MBP: variants seen among roughly 807,000 people sequenced by gnomAD.
The protein encoded by MBP is myelin basic protein.
A neutral mutation model predicts 35.8 loss-of-function variants in MBP; 16 were observed. That is an observed-to-expected ratio of 0.45 (90% confidence interval 0.30 to 0.68). MBP has a LOEUF of 0.68. Ranked by LOEUF, MBP falls within the 30% of genes least tolerant of loss-of-function variation. The probability of loss-of-function intolerance (pLI) is 0.08; values close to 1 mark genes in which losing one functional copy is unlikely to be tolerated. For synonymous variants in MBP, 143 were observed against 159.6 expected, an observed-to-expected ratio of 0.90 and a Z score of 0.78; for missense variants, 380 against 404.7, an observed-to-expected ratio of 0.94 and a Z score of 0.52.
At chr18:77,118,756 CCA>C (rs568438098) in intron 1 of MBP, among the ~76,000 whole-genome samples, 11 of 149,080 alleles carry the variant, frequency 7.4e-5, no homozygotes, top group South Asian at 6.4e-4. Context: ...CACACACACA[CCA>C]CACACACACA....
intron 1 of MBP, chr18:77,115,445 G>A (rs1617173): frequency 0.43 from 65,238 of 151,930 alleles, 14,811 homozygotes; most frequent in Non-Finnish European, 0.5. Flanking sequence ...GAAAACACAG[G>A]TTCCTATTAC....
intron 4 of MBP, chr18:77,005,347 C>T (rs373590505): frequency 5.8e-4 from 88 of 152,364 alleles, no homozygotes; most frequent in East Asian, 2.9e-3. Context: ...GGCAGCCCGC[C>T]CCCAGGTACC....
At position 76,988,630 on chromosome 18, in the gene MBP, A is replaced by G. The variant is rs988494869; in HGVS notation, c.718-103T>C. 1.6e-5 allele frequency: 24 copies of G among 1,526,286 alleles called. No individual in the cohort carries two copies. The highest frequency in any genetic ancestry group is 1.8e-4 in the Middle Eastern group (1 of 5,678). The allele number at this position is 1,526,286 out of a possible 1,614,324, so 94.5% of individuals were successfully genotyped here. ...CAAAGCACAGTGGAGCTGAGGTGGT[A>G]AAAACAGGTTCCACCCGGAGCTCCG... is the stretch of plus-strand genomic sequence containing the variant. On this transcript the variant is annotated intron_variant, in intron 6 of 8. Coordinates refer to ENST00000355994, the MANE Select transcript of MBP (RefSeq NM_001025101.2). This position sits in a 1 kb window ranked among gnomAD's most constrained non-coding sequence, Gnocchi z 5.2.
intron 2 of MBP, chr18:77,067,794 A>G (rs376752359): frequency 3.9e-6 from 2 of 507,248 alleles, no homozygotes; most frequent in Non-Finnish European, 7.9e-6. Context: ...CAGGACCATA[A>G]TATGTACATA....
intron 1 of MBP, among the ~76,000 whole-genome samples, chr18:77,132,002 G>C (rs915829531): frequency 7.9e-5 from 12 of 152,178 alleles, no homozygotes; most frequent in African/African-American, 2.7e-4. Context: ...CCGGGGGCAG[G>C]GGCAGGAGCG....
chr18:77,070,117 C>T (rs561272686), intron 2 of MBP, among the ~76,000 whole-genome samples: 2 of 152,212 alleles, frequency 1.3e-5, no homozygotes, highest in East Asian at 3.9e-4. Flanking sequence ...ACAAATAATG[C>T]AGATGATGTG....
intron 2 of MBP, among the ~76,000 whole-genome samples, chr18:77,104,535 G>A (rs1976179021): frequency 6.6e-6 from 1 of 152,190 alleles, no homozygotes; most frequent in South Asian, 2.1e-4. Context: ...CCAGACCAGA[G>A]TGCAAAGTCA....
intron 8 of MBP, chr18:76,981,574 G>A (rs897721945): frequency 2.6e-5 from 4 of 152,190 alleles, no homozygotes; most frequent in Non-Finnish European, 5.9e-5. Context: ...ACTCACTCAA[G>A]GGATTTTTGT....
At chr18:76,987,405 A>G in intron 7 of MBP, 1 of 985,436 alleles carries the variant, frequency 1.0e-6, no homozygotes, top group Non-Finnish European at 1.2e-6. Context: ...ATTAATGGAA[A>G]ACGTTTCGGT....
chr18:77,114,807 A>G (rs892424482), intron 1 of MBP: 1 of 152,302 alleles, frequency 6.6e-6, no homozygotes, highest in Non-Finnish European at 1.5e-5. Context: ...CCCCTTTCCA[A>G]GTGTGCGGTG....
chr18:77,084,420 G>GCCACA (rs1356376733), intron 2 of MBP, among the ~76,000 whole-genome samples: 1 of 29,328 alleles, frequency 3.4e-5, no homozygotes, highest in African/African-American at 1.0e-4. Context: ...CGCCCCCCCC[G>GCCACA]CCACACCACA....
At chr18:77,060,450 T>TTG (rs1433335430) in intron 3 of MBP, among the ~76,000 whole-genome samples, 5 of 121,482 alleles carry the variant, frequency 4.1e-5, no homozygotes, top group African/African-American at 2.3e-4. Flanking sequence ...TCTCTCTCCT[T>TTG]TTTTTTTTTT....
rs965097912 is a variant in MBP at position 77,020,013 on chromosome 18, CAG to C, written c.140-2747_140-2746del. Reference sequence around the variant, plus strand: ...GTATCACAGCCTTGATGGCTGTGAACAGACTGTGGAAAGGGCAGAGCAGGCAG... The same window carrying C: ...GTATCACAGCCTTGATGGCTGTGAACACTGTGGAAAGGGCAGAGCAGGCAG... On this transcript the variant is annotated intron_variant, in intron 3 of 8. Coordinates refer to ENST00000355994, the MANE Select transcript of MBP (RefSeq NM_001025101.2). This position sits in a 1 kb window ranked among gnomAD's most constrained non-coding sequence, Gnocchi z 4.1. 1.1e-4 allele frequency among the ~76,000 whole-genome samples: 16 copies of C among 152,162 alleles called. No individual in the cohort carries two copies. Among genetic ancestry groups the C allele is most frequent in the African/African-American group, 3.6e-4 (15 of 41,518 alleles).
At chr18:77,049,348 C>T (rs1400690745) in intron 3 of MBP, among the ~76,000 whole-genome samples, 1 of 152,204 alleles carries the variant, frequency 6.6e-6, no homozygotes, top group African/African-American at 2.4e-5. Context: ...AGCCTTGATG[C>T]ATGATGAAGA....
intron 1 of MBP, among the ~76,000 whole-genome samples, chr18:77,126,432 C>T (rs1206960533): frequency 1.3e-5 from 2 of 152,178 alleles, no homozygotes; most frequent in Non-Finnish European, 2.9e-5. Flanking sequence ...AATCCTATAG[C>T]TACATCATAA....
At chr18:77,066,420 A>G (rs1275689402) in intron 2 of MBP, 35 bp from the exon 3 acceptor site, 2 of 1,329,164 alleles carry the variant, frequency 1.5e-6, no homozygotes, top group Admixed American at 3.4e-5. Flanking sequence ...CCTTTTCTTA[A>G]GATAAATTGT....
intron 4 of MBP, among the ~76,000 whole-genome samples, chr18:77,000,887 T>G (rs769276011): frequency 6.6e-6 from 1 of 152,192 alleles, no homozygotes; most frequent in Non-Finnish European, 1.5e-5. Flanking sequence ...CCACTCGGAT[T>G]TTATTAAAGG....
At position 76,988,287 on chromosome 18, in the gene MBP, CA is replaced by C; in HGVS notation, c.750+207del. 6.4e-7 allele frequency: 1 copy of C among 1,552,858 alleles called. No individual in the cohort carries two copies. Among genetic ancestry groups the C allele is most frequent in the Non-Finnish European group, 8.7e-7 (1 of 1,147,982 alleles). On this transcript the variant is annotated intron_variant, in intron 7 of 8. Coordinates refer to ENST00000355994, the MANE Select transcript of MBP (RefSeq NM_001025101.2). This position sits in a 1 kb window ranked among gnomAD's most constrained non-coding sequence, Gnocchi z 5.2. ...CAGGGCTGGGTCCCCGGCACAGAAGCAAGAGACCAGACCTTCCGGAAGGGAA... is the reference window on the plus strand; with the variant it reads ...CAGGGCTGGGTCCCCGGCACAGAAGCAGAGACCAGACCTTCCGGAAGGGAA...
chr18:77,014,465 G>A lies in MBP; in HGVS notation c.576+2367C>T. On this transcript the variant is annotated intron_variant, in intron 4 of 8. Transcript: ENST00000355994. The stretch of plus-strand genomic sequence containing the variant: ...CAGGCCGCCGTGGTCCTGAGAGACA[G>A]GGCCCGGGCCTTCCACTGCTCGTTT... 4.1e-6 allele frequency: 4 copies of A among 985,502 alleles called. No individual in the cohort carries two copies. The South Asian group carries it at 1.9e-4, about 46-fold the overall frequency. 61.0% of individuals were successfully genotyped at this position (985,502 alleles called of 1,614,324 possible). A position where few individuals can be genotyped will look rare whatever the true frequency, so the allele number is the denominator to read the frequency against.
Sources: gnomAD v4.1 joint callset for allele counts (sites outside exome capture counted in the v4.1 genomes callset) on GRCh38, gnomAD v4.1.1 for gene constraint, Gnocchi (gnomAD v3.1) non-coding constraint, MANE v1.5 for transcripts, NCBI Gene and HGNC (gene_info 2026-07-23, HGNC 2026-07-21) for gene names.